Variants in TNRC6B observed in about 807,000 individuals in gnomAD.
TNRC6B encodes trinucleotide repeat containing adaptor 6B.
TNRC6B carries 52 observed loss-of-function variants against 203.6 expected under a neutral mutation model. The ratio of observed to expected loss-of-function variants is 0.26; its 90% confidence interval spans 0.20 to 0.32. The LOEUF is 0.32. TNRC6B is among the 10% of genes least tolerant of loss of function. TNRC6B has a pLI of 1.00. For synonymous variants in TNRC6B, 838 were observed against 845.7 expected (o/e 0.99, Z 0.16); for missense variants, 1,923 against 2,286.2 (o/e 0.84, Z 3.24).
intron 1 of TNRC6B, among the ~76,000 whole-genome samples, chr22:40,210,364 C>T (rs1238943206): frequency 6.6e-6 from 1 of 152,140 alleles, no homozygotes; most frequent in African/African-American, 2.4e-5. Flanking sequence ...AGGCATTGGC[C>T]CCCTCACTGA....
intron 1 of TNRC6B, among the ~76,000 whole-genome samples, chr22:40,187,036 A>G (rs1430020719): frequency 2.6e-5 from 4 of 152,194 alleles, no homozygotes; most frequent in Non-Finnish European, 2.9e-5. Context: ...TTCCAAACAT[A>G]AAAAAGTTTT....
At chr22:40,223,680 G>T (rs1217333328) in intron 1 of TNRC6B, among the ~76,000 whole-genome samples, 1 of 152,152 alleles carries the variant, frequency 6.6e-6, no homozygotes, top group Non-Finnish European at 1.5e-5. Flanking sequence ...CTAATTGATG[G>T]ACTGTTTCTG....
intron 21 of TNRC6B, among the ~76,000 whole-genome samples, chr22:40,317,911 A>G (rs191811145): frequency 2.0e-5 from 3 of 152,318 alleles, no homozygotes; most frequent in East Asian, 3.9e-4. Context: ...TTTAATTCAT[A>G]TATGGATTCA....
chr22:40,088,618 G>GTGTGTGTA (rs1360349618), intron 1 of TNRC6B, among the ~76,000 whole-genome samples: 7 of 150,688 alleles, frequency 4.6e-5, no homozygotes, highest in Admixed American at 4.6e-4. Context: ...GTGTGTGTGT[G>GTGTGTGTA]TGTGTGTGTG....
chr22:40,226,327 T>C (rs1442348202), intron 1 of TNRC6B, among the ~76,000 whole-genome samples: 1 of 152,136 alleles, frequency 6.6e-6, no homozygotes, highest in Non-Finnish European at 1.5e-5. Context: ...TGCCGATTTT[T>C]TTCAATACCA....
intron 1 of TNRC6B, among the ~76,000 whole-genome samples, chr22:40,245,673 C>T (rs982003234): frequency 6.6e-6 from 1 of 151,858 alleles, no homozygotes; most frequent in African/African-American, 2.4e-5. Context: ...TGGATATTGT[C>T]GTATTCAAAT....
chr22:40,233,136 C>A (rs1471718373), intron 1 of TNRC6B, among the ~76,000 whole-genome samples: 1 of 151,212 alleles, frequency 6.6e-6, no homozygotes, highest in African/African-American at 2.4e-5. Flanking sequence ...GAGTAAGATT[C>A]CGTCTCAAAA....
chr22:40,066,838 T>G (rs892912395), intron 1 of TNRC6B, among the ~76,000 whole-genome samples: 3 of 151,990 alleles, frequency 2.0e-5, no homozygotes, highest in Non-Finnish European at 4.4e-5. Context: ...ATTTGAATAC[T>G]TTTGTACATT....
chr22:40,089,315 C>T (rs1366127991), intron 1 of TNRC6B, among the ~76,000 whole-genome samples: 39 of 152,076 alleles, frequency 2.6e-4, no homozygotes, highest in Admixed American at 2.6e-3. Context: ...TCACTGCAAC[C>T]TCCGCCTCCC....
chr22:40,224,259 C>G (rs1240223981), intron 1 of TNRC6B, among the ~76,000 whole-genome samples: 2 of 152,176 alleles, frequency 1.3e-5, no homozygotes, highest in African/African-American at 4.8e-5. Context: ...CCTGTCTCAG[C>G]CTCCCAAAGT....
At chr22:40,293,190 C>CTTTTTTTTTTTTTTT (rs748230080) in intron 12 of TNRC6B, among the ~76,000 whole-genome samples, 2 of 79,454 alleles carry the variant, frequency 2.5e-5, no homozygotes, top group African/African-American at 9.6e-5. Flanking sequence ...ATATCCTTTT[C>CTTTTTTTTTTTTTTT]TTTTTTTTTT....
At chr22:40,116,394 A>G (rs73428259) in intron 1 of TNRC6B, among the ~76,000 whole-genome samples, 7,494 of 152,246 alleles carry the variant, frequency 0.049, 617 homozygotes, top group African/African-American at 0.17. Flanking sequence ...ATATTCCTAT[A>G]TCTCTGTATT....
chr22:40,174,227 G>A (rs763467936), upstream of TNRC6B, among the ~76,000 whole-genome samples: 4 of 151,202 alleles, frequency 2.6e-5, no homozygotes, highest in Non-Finnish European at 4.4e-5. Flanking sequence ...GTAGTGGCAC[G>A]ACCTTGCTCA....
At chr22:40,197,438 T>C (rs1052937791) in intron 1 of TNRC6B, among the ~76,000 whole-genome samples, 1 of 151,652 alleles carries the variant, frequency 6.6e-6, no homozygotes, top group African/African-American at 2.4e-5. Context: ...AGGTGCCTGC[T>C]ACCACACCCA....
In TNRC6B at chr22:40,265,458, C is replaced by A. The variant is rs769093420; in HGVS notation, c.1228C>A (p.Pro410Thr). ...LGNTSRSTDAPSQSTGDRKTG... is the reference protein window; with the variant it reads ...LGNTSRSTDATSQSTGDRKTG... ...GAACACCTCCAGGAGCACTGATGCC[C>A]CTTCACAAAGCACTGGAGATCGAAA... is the stretch of plus-strand genomic sequence containing the variant. Residue 410 changes from proline to threonine, a missense_variant, in exon 5 of 23, where the codon CCT becomes ACT. Pro to Thr is a conservative substitution (Grantham distance 38). Coordinates refer to ENST00000454349, the MANE Select transcript of TNRC6B (RefSeq NM_001162501.2). The A allele has an allele frequency of 9.9e-6, 16 of 1,613,858 alleles. No homozygotes were observed. In the South Asian group the frequency reaches 1.6e-4, roughly 17 times the overall value.
At chr22:40,291,263 T>C (rs1374117599) in intron 12 of TNRC6B, among the ~76,000 whole-genome samples, 1 of 152,080 alleles carries the variant, frequency 6.6e-6, no homozygotes, top group African/African-American at 2.4e-5. Flanking sequence ...GTGCATGCTG[T>C]AGTCCCAGCT....
chr22:40,143,504 G>C (rs75918954), intron 3 of TNRC6B, among the ~76,000 whole-genome samples: 1 of 151,406 alleles, frequency 6.6e-6, no homozygotes, highest in Non-Finnish European at 1.5e-5. Context: ...CTTTTTTTGT[G>C]GGGGGGATAG....
In TNRC6B at chr22:40,131,026, C is replaced by G. The variant is rs187954484; in HGVS notation, c.45+5164C>G. 4.4e-3 allele frequency among the ~76,000 whole-genome samples: 672 copies of G among 151,620 alleles called. 8 individuals carry two copies. Among genetic ancestry groups the G allele is most frequent in the Non-Finnish European group, 8.9e-3 (604 of 67,892 alleles). On this transcript the variant is annotated intron_variant, in intron 3 of 23. Coordinates refer to the TNRC6B transcript ENST00000301923. ...ACGCCATTCTCCTGCCTCAGCCTCC[C>G]GAGTAGCTGGGACTTGACAGGCGCC...
intron 20 of TNRC6B, among the ~76,000 whole-genome samples, 192 bp from the exon 21 acceptor site, chr22:40,315,750 C>T (rs1170988272): frequency 6.6e-6 from 1 of 151,882 alleles, no homozygotes; most frequent in Non-Finnish European, 1.5e-5. Context: ...AAAATACTGT[C>T]TTGCAAATCA....
Sources: gnomAD v4.1 joint callset for allele counts (sites outside exome capture counted in the v4.1 genomes callset) on GRCh38, gnomAD v4.1.1 for gene constraint, MANE v1.5 for transcripts, NCBI Gene and HGNC (gene_info 2026-07-23, HGNC 2026-07-21) for gene names.